The following PKP4 variants were observed in gnomAD, a reference collection of about 807,000 sequenced individuals.
PKP4 encodes plakophilin-4.
A neutral mutation model predicts 145.1 loss-of-function variants in PKP4; 90 were observed. That is an observed-to-expected ratio of 0.62 (90% CI 0.52 to 0.74). PKP4 has a LOEUF of 0.74. PKP4 is among the 30% of genes least tolerant of loss of function. The pLI is 0.00. For missense variants in PKP4, 1,340 were observed against 1,482.7 expected (o/e 0.90, Z 1.58); for synonymous variants, 563 against 577.2 (o/e 0.98, Z 0.35).
chr2:158,457,800 C>T (rs1972608), intron 1 of PKP4: 106,972 of 152,926 alleles, frequency 0.7, 37,901 homozygotes, highest in East Asian at 0.89. Context: ...TCCTGCCCAC[C>T]CCTCTGCCTA....
intron 3 of PKP4, among the ~76,000 whole-genome samples, chr2:158,590,312 AGTGTGTGTGTGTGTGTGTGTGT>A (rs57003090): frequency 2.7e-3 from 337 of 124,234 alleles, no homozygotes; most frequent in African/African-American, 8.9e-3. Flanking sequence ...GAATGTCTTG[AGTGTGTGTGTGTGTGTGTGTGT>A]GTGTGTGTGT....
At chr2:158,570,459 G>T (rs1197914973) in intron 2 of PKP4, among the ~76,000 whole-genome samples, 1 of 152,160 alleles carries the variant, frequency 6.6e-6, no homozygotes, top group African/African-American at 2.4e-5. Context: ...GTGATAATTA[G>T]TATTTTAGTA....
chr2:158,549,352 A>T (rs2045382443), intron 2 of PKP4: 1 of 152,218 alleles, frequency 6.6e-6, no homozygotes, highest in Non-Finnish European at 1.5e-5. Flanking sequence ...CATGTCTAAA[A>T]AATAGGCTTG....
intron 1 of PKP4, among the ~76,000 whole-genome samples, chr2:158,490,822 T>C (rs1216677918): frequency 1.3e-5 from 2 of 152,176 alleles, no homozygotes; most frequent in East Asian, 1.9e-4. Flanking sequence ...AGAAATTCTT[T>C]AGTTGGATGT....
intron 7 of PKP4, among the ~76,000 whole-genome samples, chr2:158,627,707 A>C (rs1405419749): frequency 6.6e-6 from 1 of 150,956 alleles, no homozygotes; most frequent in Non-Finnish European, 1.5e-5. Context: ...CATGTAAAGA[A>C]AACTTTTGAG....
chr2:158,487,021 C>T (rs963686383), intron 1 of PKP4, among the ~76,000 whole-genome samples: 13 of 152,266 alleles, frequency 8.5e-5, no homozygotes, highest in African/African-American at 3.1e-4. Flanking sequence ...TACCTATTCC[C>T]AGCCCTGTGA....
At chr2:158,608,571 A>G (rs2050838416) in intron 4 of PKP4, among the ~76,000 whole-genome samples, 1 of 152,036 alleles carries the variant, frequency 6.6e-6, no homozygotes, top group Admixed American at 6.6e-5. Context: ...TACATTTACT[A>G]ATTTTTTTTC....
intron 2 of PKP4, among the ~76,000 whole-genome samples, chr2:158,569,811 C>A (rs541036476): frequency 2.4e-4 from 36 of 152,222 alleles, no homozygotes; most frequent in African/African-American, 7.5e-4. Context: ...TGGTAGACTT[C>A]TCAGAACTTT....
chr2:158,558,883 C>T (rs1574478490), intron 2 of PKP4, among the ~76,000 whole-genome samples: 1 of 152,210 alleles, frequency 6.6e-6, no homozygotes, highest in East Asian at 1.9e-4. Flanking sequence ...AAGGGAGGAT[C>T]AGGGTCAGTG....
At chr2:158,676,921 G>C (rs1016976703) in intron 20 of PKP4, 54 bp downstream of exon 20, 3 of 1,611,600 alleles carry the variant, frequency 1.9e-6, no homozygotes, top group South Asian at 2.2e-5. Context: ...GCATTTCCAG[G>C]CGCTTGGCCA....
chr2:158,671,775 C>T (rs568330310), intron 17 of PKP4, among the ~76,000 whole-genome samples: 2 of 152,250 alleles, frequency 1.3e-5, no homozygotes, highest in South Asian at 2.1e-4. Flanking sequence ...ACGCGTGGAG[C>T]GTGGTGGGTG....
intron 3 of PKP4, among the ~76,000 whole-genome samples, chr2:158,598,957 G>A (rs1359537824): frequency 1.3e-5 from 2 of 152,142 alleles, no homozygotes; most frequent in Non-Finnish European, 2.9e-5. Context: ...AGCAGTGGAA[G>A]TGTGAAACAG....
chr2:158,615,668 A>G (rs6761592), intron 4 of PKP4, among the ~76,000 whole-genome samples: 29,523 of 152,134 alleles, frequency 0.19, 3,697 homozygotes, highest in Middle Eastern at 0.36. Flanking sequence ...TAGTTTAGTC[A>G]TTGTGGAAAT....
At chr2:158,518,726 T>C (rs1378769593) in intron 1 of PKP4, among the ~76,000 whole-genome samples, 1 of 152,234 alleles carries the variant, frequency 6.6e-6, no homozygotes, top group Non-Finnish European at 1.5e-5. Context: ...AACTTCCTTT[T>C]GTTGAAACAA....
chr2:158,637,724 C>T (rs1407008809), intron 9 of PKP4, among the ~76,000 whole-genome samples: 1 of 152,190 alleles, frequency 6.6e-6, no homozygotes, highest in Non-Finnish European at 1.5e-5. Flanking sequence ...CTACATTTAG[C>T]TAAATTCACT....
At chr2:158,475,312 A>G (rs1438146411) in intron 1 of PKP4, among the ~76,000 whole-genome samples, 3 of 151,986 alleles carry the variant, frequency 2.0e-5, no homozygotes, top group Non-Finnish European at 4.4e-5. Flanking sequence ...TAGATTGTGG[A>G]CTTTAAAAGT....
In PKP4 at chr2:158,564,047, T is replaced by C. The variant is rs141066922; in HGVS notation, c.133-13224T>C. On this transcript the variant is annotated intron_variant, in intron 2 of 21. Coordinates refer to ENST00000389759, the MANE Select transcript of PKP4 (RefSeq NM_003628.6). ...TTTCTGCTTAATTTTCTGAATTCAA[T>C]TTTAATTACAGAAATTGTGTTGTAA... 9.8e-3 allele frequency among the ~76,000 whole-genome samples: 1,496 copies of C among 152,250 alleles called. 26 individuals are homozygous for C. The highest frequency in any genetic ancestry group is 0.033 in the African/African-American group (1,376 of 41,554).
rs778320276 is a variant in PKP4, at chr2:158,666,571, C to T, written c.2728+8C>T. 1.5e-5 allele frequency: 24 copies of T among 1,591,138 alleles called. No homozygotes were observed. The highest frequency in any genetic ancestry group is 2.0e-5 in the Non-Finnish European group (24 of 1,172,304). ...GCAACAAGGAGCTCATAGGTATGTT[C>T]TGGTGACAAGATGAGCTGTAAATGT... On this transcript the variant is annotated splice_region_variant and intron_variant, in intron 16 of 21. Coordinates refer to ENST00000389759, the MANE Select transcript of PKP4 (RefSeq NM_003628.6).
At position 158,669,703 on chromosome 2, in the gene PKP4, T is replaced by C; in HGVS notation, c.2729-17T>C. The C allele has an allele frequency of 6.6e-7, 1 of 1,512,436 alleles. No homozygotes were observed. Among genetic ancestry groups the C allele is most frequent in the Non-Finnish European group, 8.9e-7 (1 of 1,123,380 alleles). 93.7% of individuals were successfully genotyped at this position (1,512,436 alleles called of 1,614,324 possible). The stretch of plus-strand genomic sequence containing the variant: ...AGTACCTTCTGGAAGTAGAATTTAC[T>C]CTTTTGCCGTTGGCAGGCAAATACG... On this transcript the variant is annotated splice_polypyrimidine_tract_variant and intron_variant, in intron 16 of 21. Coordinates refer to ENST00000389759, the MANE Select transcript of PKP4 (RefSeq NM_003628.6).
Sources: allele counts gnomAD v4.1 joint callset (sites outside exome capture counted in the v4.1 genomes callset), GRCh38; gene constraint gnomAD v4.1.1; transcripts MANE v1.5; gene names NCBI Gene and HGNC (gene_info 2026-07-23, HGNC 2026-07-21).